The following CELF5 variants were observed in gnomAD, a reference collection of about 807,000 sequenced individuals.
CELF5 encodes CUG-BP and ETR-3 like factor 5.
CELF5 carries 6 observed loss-of-function variants against 54.9 expected under a neutral mutation model. The ratio of observed to expected loss-of-function variants is 0.11; its 90% confidence interval spans 0.06 to 0.22. CELF5 has a LOEUF of 0.22. Among genes scored for constraint, CELF5 ranks in the 10% least tolerant of loss-of-function variants. The pLI is 1.00. For synonymous variants in CELF5, 271 were observed against 290.9 expected (o/e 0.93, Z 0.70); for missense variants, 401 against 678.6 (o/e 0.59, Z 4.54).
At chr19:3,290,649 T>C (rs2080329791) in intron 11 of CELF5, among the ~76,000 whole-genome samples, 1 of 150,330 alleles carries the variant, frequency 6.7e-6, no homozygotes, top group Non-Finnish European at 1.5e-5. Context: ...CTGCAAGCTC[T>C]GCGTCCCGGG....
rs1327684969 is a variant in CELF5, at chr19:3,281,275, T to C, written c.680T>C (p.Val227Ala). ...ERTLRRMQQMVGQLGILTPSL... is the reference protein window; with the variant it reads ...ERTLRRMQQMAGQLGILTPSL... ...ACGCTCCGGCGCATGCAGCAGATGG[T>C]GGGCCAGCTGGGCATCCTGACGCCG... is the stretch of plus-strand genomic sequence containing the variant. The change falls in exon 6 of 13, where the codon GTG becomes GCG. Residue 227 changes from valine to alanine, a missense_variant. Physicochemically the swap from Val to Ala is moderately conservative, Grantham distance 64 (BLOSUM62 0). Around this residue, in one of 6 missense-constraint regions of CELF5, gnomAD observed 87 missense variants for 190.2 expected, o/e 0.46. Transcript: ENST00000292672. This position sits in a 1 kb window ranked among gnomAD's most constrained non-coding sequence, Gnocchi z 6.5. The C allele has an allele frequency of 6.2e-7, 1 of 1,611,810 alleles. No homozygotes were observed. The highest frequency in any genetic ancestry group is 1.7e-5 in the Admixed American group (1 of 60,010).
intron 2 of CELF5, among the ~76,000 whole-genome samples, chr19:3,251,675 G>GTTT (rs1568339572): frequency 3.3e-5 from 2 of 61,382 alleles, no homozygotes; most frequent in Non-Finnish European, 5.7e-5. Flanking sequence ...TTTTTTTTTT[G>GTTT]TTGTTGTTGT....
intron 2 of CELF5, among the ~76,000 whole-genome samples, chr19:3,264,655 A>T (rs891252906): frequency 4.0e-5 from 6 of 150,546 alleles, no homozygotes; most frequent in Middle Eastern, 3.5e-3. Flanking sequence ...TGACCTGGTG[A>T]TCCACCCATC....
At chr19:3,274,016 C>T (rs1599456575) in intron 3 of CELF5, 93 bp downstream of exon 3, 2 of 1,323,742 alleles carry the variant, frequency 1.5e-6, no homozygotes, top group Non-Finnish European at 2.2e-6. Context: ...GCAAAAGGGG[C>T]AGTGGCCGAG....
In CELF5 at chr19:3,228,171, G is replaced by T. The variant is rs755492939; in HGVS notation, c.259+3173G>T. Among the ~76,000 whole-genome samples, 1 of 152,072 alleles carries T rather than the reference G, an allele frequency of 6.6e-6. No homozygotes were observed. The highest frequency in any genetic ancestry group is 1.5e-5 in the Non-Finnish European group (1 of 67,986). On this transcript the variant is annotated intron_variant, in intron 1 of 12. Coordinates refer to ENST00000292672, the MANE Select transcript of CELF5 (RefSeq NM_021938.4). This position sits in a 1 kb window ranked among gnomAD's most constrained non-coding sequence, Gnocchi z 6.0. ...AGAGAGAGACACGCAGGGAAAGAGA[G>T]ACAGAGAGACCCACAGAGAGACAGA...
chr19:3,262,602 G>A lies in CELF5; in HGVS notation c.343-11270G>A, dbSNP rs117492748. 5.8e-3 allele frequency among the ~76,000 whole-genome samples: 889 copies of A among 152,178 alleles called. 10 individuals carry two copies. The highest frequency in any genetic ancestry group is 0.051 in the East Asian group (264 of 5,164). On this transcript the variant is annotated intron_variant, in intron 2 of 12. Transcript: ENST00000292672. The stretch of plus-strand genomic sequence containing the variant: ...CTAGACCCAGGGTCTGGATCATATC[G>A]GACAGCACAAATCTAGAGTCTAGAA...
intron 1 of CELF5, among the ~76,000 whole-genome samples, chr19:3,249,634 G>A (rs960631562): frequency 2.0e-5 from 3 of 152,128 alleles, no homozygotes; most frequent in Non-Finnish European, 4.4e-5. Context: ...TCCGGGGCTG[G>A]CCCCGCCCCT....
intron 1 of CELF5, among the ~76,000 whole-genome samples, chr19:3,235,313 CT>C (rs369401628): frequency 2.8e-4 from 42 of 148,670 alleles, no homozygotes; most frequent in East Asian, 5.9e-4. Context: ...TCCTCCTTTC[CT>C]TTTTTTTTTC....
In CELF5 at chr19:3,224,745, C is replaced by T; in HGVS notation, c.6C>T (p.Ala2=). 2 of 1,346,002 alleles carry T rather than the reference C, an allele frequency of 1.5e-6. No homozygotes were observed. The highest frequency in any genetic ancestry group is 1.7e-5 in the South Asian group (1 of 58,332). 83.4% of individuals were successfully genotyped at this position (1,346,002 alleles called of 1,614,324 possible). The change falls in exon 1 of 13, where the codon GCC becomes GCT. Residue 2 remains alanine, a synonymous_variant. Coordinates refer to ENST00000292672, the MANE Select transcript of CELF5 (RefSeq NM_021938.4). M[A]RLTESEARRQ... is the part of the protein sequence containing the mutation. ...GGCTCGGTCCCGCGCCCGCCATGGCCCGCCTGACGGAGAGCGAGGCGCGCC... is the reference window on the plus strand; with the variant it reads ...GGCTCGGTCCCGCGCCCGCCATGGCTCGCCTGACGGAGAGCGAGGCGCGCC...
intron 12 of CELF5, chr19:3,296,288 C>T (rs1385365719): frequency 4.5e-5 from 6 of 132,576 alleles, no homozygotes; most frequent in South Asian, 4.7e-4. Context: ...CCAAATGAGG[C>T]GCCAGATAAC....
chr19:3,248,853 TCTTCCTTCCTTCCTTCCTTC>T (rs56977899), intron 1 of CELF5, among the ~76,000 whole-genome samples: 8,037 of 118,856 alleles, frequency 0.068, 340 homozygotes, highest in Non-Finnish European at 0.096. Context: ...TTTCTTTCTT[TCTTCCTTCCTTCCTTCCTTC>T]CTTCCTTCCT....
At chr19:3,291,571 CAAAAA>C (rs34331089) in intron 11 of CELF5, among the ~76,000 whole-genome samples, 1 of 85,216 alleles carries the variant, frequency 1.2e-5, no homozygotes, top group Non-Finnish European at 2.1e-5. Context: ...GACTCCGACT[CAAAAA>C]AAAAAAAAAA....
In CELF5 at chr19:3,278,139, G is replaced by A. The variant is rs748458385; in HGVS notation, c.603+29G>A. On this transcript the variant is annotated intron_variant, in intron 5 of 12. Coordinates refer to ENST00000292672, the MANE Select transcript of CELF5 (RefSeq NM_021938.4). The surrounding 1 kb of genome is among the most constrained non-coding windows in gnomAD (Gnocchi z 4.5). ...AGTTGGAGCTGCCCTTGGCCGTGGG[G>A]GTGGGGGTGGGAAAGGGGTGAGGGG... The A allele has an allele frequency of 1.0e-5, 15 of 1,497,158 alleles. No homozygotes were observed. The highest frequency in any genetic ancestry group is 1.3e-5 in the Non-Finnish European group (14 of 1,084,462). The allele number at this position is 1,497,158 out of a possible 1,614,324, so 92.7% of individuals were successfully genotyped here. A position where few individuals can be genotyped will look rare whatever the true frequency, so the allele number is the denominator to read the frequency against.
At chr19:3,232,760 A>T (rs1233086733) in intron 1 of CELF5, among the ~76,000 whole-genome samples, 1 of 150,672 alleles carries the variant, frequency 6.6e-6, no homozygotes, top group African/African-American at 2.4e-5. Context: ...TGGGCAACAT[A>T]GCAAGACCCC....
intron 1 of CELF5, among the ~76,000 whole-genome samples, chr19:3,237,575 A>T (rs949207145): frequency 2.0e-5 from 3 of 152,158 alleles, no homozygotes; most frequent in African/African-American, 7.2e-5. Flanking sequence ...TAGCATGCTA[A>T]TGCATTATAA....
rs923450657 is a variant in CELF5 at position 3,281,046 on chromosome 19, C to G, written c.604-153C>G. ...TCTCCACGCGGTCCTCGCTGTGGCC[C>G]TGGCTCCTGGGGTGGGGGCCCGTGG... On this transcript the variant is annotated intron_variant, in intron 5 of 12. Transcript: ENST00000292672. The surrounding 1 kb of genome is among the most constrained non-coding windows in gnomAD (Gnocchi z 6.5). 2.6e-5 allele frequency among the ~76,000 whole-genome samples: 4 copies of G among 152,194 alleles called. No individual in the cohort carries two copies. The highest frequency in any genetic ancestry group is 7.2e-5 in the African/African-American group (3 of 41,454).
At position 3,228,693 on chromosome 19, in the gene CELF5, G is replaced by T. The variant is rs948403626; in HGVS notation, c.259+3695G>T. ...CACCAGCTGCCGGCTCGACTCGGGA[G>T]GGGGGGAGGAGGAGGCTGTAGCAGG... On this transcript the variant is annotated intron_variant, in intron 1 of 12. Coordinates refer to ENST00000292672, the MANE Select transcript of CELF5 (RefSeq NM_021938.4). This position sits in a 1 kb window ranked among gnomAD's most constrained non-coding sequence, Gnocchi z 6.0. Among the ~76,000 whole-genome samples the T allele has an allele frequency of 1.5e-4, 23 of 151,906 alleles. No homozygotes were observed. The highest frequency in any genetic ancestry group is 3.9e-4 in the Admixed American group (6 of 15,264).
intron 5 of CELF5, among the ~76,000 whole-genome samples, chr19:3,279,596 A>G (rs1006484293): frequency 1.3e-5 from 2 of 151,966 alleles, no homozygotes; most frequent in Non-Finnish European, 2.9e-5. Flanking sequence ...CCAGCTCACC[A>G]GGGAGGAGCT....
intron 1 of CELF5, among the ~76,000 whole-genome samples, chr19:3,245,085 G>A (rs2079546803): frequency 6.9e-6 from 1 of 145,934 alleles, no homozygotes. Context: ...ATCTGTGTGT[G>A]TGTAGCGTTT....
Sources: gnomAD v4.1 joint callset for allele counts (sites outside exome capture counted in the v4.1 genomes callset) on GRCh38, gnomAD v4.1.1 for gene constraint, gnomAD v4.1.1 regional missense constraint, Gnocchi (gnomAD v3.1) non-coding constraint, MANE v1.5 for transcripts, NCBI Gene and HGNC (gene_info 2026-07-23, HGNC 2026-07-21) for gene names.